GPR137C: variants seen among roughly 807,000 people sequenced by gnomAD.
GPR137C encodes G protein-coupled receptor 137C, also known as integral membrane protein GPR137C.
Under a neutral mutation model 43.4 loss-of-function variants are expected in GPR137C, and 27 were observed. That is an observed-to-expected ratio of 0.62 (90% CI 0.46 to 0.86). The LOEUF (loss-of-function observed/expected upper bound fraction) is 0.86, where lower values mean the gene tolerates loss of function less well. Ranked by LOEUF, GPR137C falls within the 40% of genes least tolerant of loss-of-function variation. The probability of loss-of-function intolerance (pLI) is 0.00; values close to 1 mark genes in which losing one functional copy is unlikely to be tolerated. For missense variants in GPR137C, 522 were observed against 534.6 expected (o/e 0.98, Z 0.23); for synonymous variants, 285 against 226.9 (o/e 1.26, Z -2.30).
At chr14:52,595,583 A>T (rs2038843458) in intron 1 of GPR137C, among the ~76,000 whole-genome samples, 1 of 151,896 alleles carries the variant, frequency 6.6e-6, no homozygotes, top group Non-Finnish European at 1.5e-5. Flanking sequence ...TGAATCACTG[A>T]TATCCTTTCT....
At position 52,600,176 on chromosome 14, in the gene GPR137C, C is replaced by T. The variant is rs200637280; in HGVS notation, c.552C>T (p.Cys184=). The T allele has an allele frequency of 2.9e-5, 47 of 1,613,838 alleles. No homozygotes were observed. The highest frequency in any genetic ancestry group is 2.0e-4 in the South Asian group (18 of 91,086). Residue 184 remains cysteine (C), a synonymous_variant, in exon 3 of 7, where the codon TGC becomes TGT. Transcript: ENST00000321662. Reference sequence around the variant, plus strand: ...TCTTTTTAGTGGTGAACTTGACTTGCGCAATGCTAGTTCATGGAGATGTCC... The same window carrying T: ...TCTTTTTAGTGGTGAACTTGACTTGTGCAATGCTAGTTCATGGAGATGTCC... ...SLLFLVVNLT[C]AMLVHGDVPE... is the part of the protein sequence containing the mutation.
chr14:52,596,441 G>T (rs139929004), intron 1 of GPR137C, among the ~76,000 whole-genome samples: 1 of 152,348 alleles, frequency 6.6e-6, no homozygotes, highest in Admixed American at 6.5e-5. Context: ...GGCGTCTAGC[G>T]AGGCGGTAGG....
chr14:52,565,882 G>A (rs535141743), intron 1 of GPR137C, among the ~76,000 whole-genome samples: 1 of 152,288 alleles, frequency 6.6e-6, no homozygotes, highest in Admixed American at 6.5e-5. Flanking sequence ...TGCTTTATAT[G>A]AATAATTGAT....
intron 1 of GPR137C, among the ~76,000 whole-genome samples, chr14:52,564,674 G>C (rs953263867): frequency 6.6e-6 from 1 of 152,046 alleles, no homozygotes; most frequent in African/African-American, 2.4e-5. Context: ...TTTTATATTT[G>C]TGTGACTTTT....
intron 3 of GPR137C, among the ~76,000 whole-genome samples, chr14:52,609,652 G>C (rs573180162): frequency 1.2e-4 from 18 of 152,322 alleles, no homozygotes; most frequent in African/African-American, 3.6e-4. Flanking sequence ...GCCTAGGCTT[G>C]CTCCATGTCT....
chr14:52,616,377 T>G (rs1336516365), intron 3 of GPR137C, among the ~76,000 whole-genome samples: 2 of 152,182 alleles, frequency 1.3e-5, no homozygotes, highest in Non-Finnish European at 1.5e-5. Flanking sequence ...CACTGCAACC[T>G]CTGCCTCCTG....
At position 52,577,183 on chromosome 14, in the gene GPR137C, C is replaced by CAAAAAAAA. The variant is rs34249999; in HGVS notation, c.445-21066_445-21059dup. On this transcript the variant is annotated intron_variant, in intron 1 of 6. Coordinates refer to ENST00000321662, the MANE Select transcript of GPR137C (RefSeq NM_001099652.2). Reference sequence around the variant, plus strand: ...GCCTGGGCGACAGAGTAAGACTCCTCAAAAAAAAAAAAAAAAAAAAAAAAA... The same window carrying CAAAAAAAA: ...GCCTGGGCGACAGAGTAAGACTCCTCAAAAAAAAAAAAAAAAAAAAAAAAAAAAAAAAA... 1.2e-3 allele frequency among the ~76,000 whole-genome samples: 48 copies of CAAAAAAAA among 41,170 alleles called. 1 individual carries two copies. Among genetic ancestry groups the CAAAAAAAA allele is most frequent in the African/African-American group, 4.0e-3 (39 of 9,670 alleles). 27.0% of individuals were successfully genotyped at this position (41,170 alleles called of 152,430 possible). A position where few individuals can be genotyped will look rare whatever the true frequency, so the allele number is the denominator to read the frequency against.
intron 1 of GPR137C, among the ~76,000 whole-genome samples, chr14:52,592,854 T>A (rs541210263): frequency 6.6e-6 from 1 of 152,262 alleles, no homozygotes; most frequent in African/African-American, 2.4e-5. Context: ...CTGGCCAGAA[T>A]TTCCAACACT....
intron 1 of GPR137C, among the ~76,000 whole-genome samples, chr14:52,579,046 C>T (rs77805706): frequency 0.055 from 8,433 of 152,156 alleles, 265 homozygotes; most frequent in Middle Eastern, 0.075. Flanking sequence ...GTTACAGAAC[C>T]CCCGTTGCTA....
chr14:52,623,551 T>C (rs565089649), intron 3 of GPR137C, among the ~76,000 whole-genome samples: 35 of 152,326 alleles, frequency 2.3e-4, no homozygotes, highest in African/African-American at 8.2e-4. Context: ...CTCTGAATGA[T>C]TGGTCTCAAA....
At chr14:52,612,543 T>C in intron 3 of GPR137C, 1 of 979,648 alleles carries the variant, frequency 1.0e-6, no homozygotes, top group Non-Finnish European at 1.2e-6. Context: ...TCACGTATCT[T>C]TTATGTTATG....
At chr14:52,595,841 A>T (rs1040391518) in intron 1 of GPR137C, among the ~76,000 whole-genome samples, 1 of 152,204 alleles carries the variant, frequency 6.6e-6, no homozygotes, top group Non-Finnish European at 1.5e-5. Context: ...CTCGTTCTCC[A>T]TCCAGTTTTG....
intron 1 of GPR137C, among the ~76,000 whole-genome samples, chr14:52,554,168 T>C (rs2038153221): frequency 6.6e-6 from 1 of 152,218 alleles, no homozygotes; most frequent in African/African-American, 2.4e-5. Context: ...GCAGGGTTGA[T>C]GATCAATAAC....
intron 1 of GPR137C, among the ~76,000 whole-genome samples, chr14:52,558,244 G>A (rs184762644): frequency 1.1e-4 from 16 of 152,254 alleles, no homozygotes; most frequent in Admixed American, 4.6e-4. Context: ...GGGAGGTGTC[G>A]TTGCAGGCTG....
intron 3 of GPR137C, among the ~76,000 whole-genome samples, chr14:52,608,104 A>T (rs1238726549): frequency 6.6e-6 from 1 of 152,112 alleles, no homozygotes; most frequent in Non-Finnish European, 1.5e-5. Context: ...TAATCCATTT[A>T]CACTAAATGT....
rs1175288207 is a variant in GPR137C at position 52,598,290 on chromosome 14, T to C, written c.463T>C (p.Cys155Arg). ...YLAEVICKVRCATELDRHKIL... is the reference protein window; with the variant it reads ...YLAEVICKVRRATELDRHKIL... ...TTTATAGGTTATATGTAAAGTCAGA[T>C]GTGCCACTGAACTTGACAGACACAA... is the stretch of plus-strand genomic sequence containing the variant. The change falls in exon 2 of 7, where the codon TGT becomes CGT. Residue 155 changes from cysteine (C) to arginine (R), a missense_variant. This residue lies in a region of GPR137C where 437 missense variants were observed against 425.7 expected (regional missense o/e 1.03). Transcript: ENST00000321662. The C allele has an allele frequency of 7.1e-7, 1 of 1,401,040 alleles. No homozygotes were observed. Among genetic ancestry groups the C allele is most frequent in the Non-Finnish European group, 9.7e-7 (1 of 1,028,488 alleles). 86.8% of individuals were successfully genotyped at this position (1,401,040 alleles called of 1,614,324 possible).
At chr14:52,604,154 T>C (rs1472161074) in intron 3 of GPR137C, among the ~76,000 whole-genome samples, 2 of 152,198 alleles carry the variant, frequency 1.3e-5, no homozygotes, top group Non-Finnish European at 2.9e-5. Context: ...TATATTCTGG[T>C]TATTAATCCC....
chr14:52,559,233 C>G (rs562028828), intron 1 of GPR137C, among the ~76,000 whole-genome samples: 15 of 152,006 alleles, frequency 9.9e-5, no homozygotes, highest in Admixed American at 5.9e-4. Flanking sequence ...AAAATTAGCC[C>G]AGCATGGTGG....
intron 3 of GPR137C, among the ~76,000 whole-genome samples, chr14:52,608,029 C>A (rs1357509620): frequency 6.6e-6 from 1 of 152,182 alleles, no homozygotes; most frequent in Non-Finnish European, 1.5e-5. Flanking sequence ...TTCCTGTAGG[C>A]AACATATAGT....
Sources: gnomAD v4.1 joint callset for allele counts (sites outside exome capture counted in the v4.1 genomes callset) on GRCh38, gnomAD v4.1.1 for gene constraint, gnomAD v4.1.1 regional missense constraint, MANE v1.5 for transcripts, NCBI Gene and HGNC (gene_info 2026-07-23, HGNC 2026-07-21) for gene names.